Variants in RSPRY1 observed in about 807,000 individuals in gnomAD.
The protein encoded by RSPRY1 is RING finger and SPRY domain-containing protein 1.
RSPRY1 carries 23 observed loss-of-function variants against 73.1 expected under a neutral mutation model. The ratio of observed to expected loss-of-function variants is 0.31; its 90% CI spans 0.23 to 0.45. The LOEUF is 0.45. Ranked by LOEUF, RSPRY1 falls within the 20% of genes least tolerant of loss-of-function variation. The pLI is 1.00. For missense variants in RSPRY1, 448 were observed against 698.7 expected, an observed-to-expected ratio of 0.64 and a Z score of 4.05; for synonymous variants, 226 against 251.4, an observed-to-expected ratio of 0.90 and a Z score of 0.95.
chr16:57,208,302 C>CTTTT (rs34138044), intron 3 of RSPRY1, among the ~76,000 whole-genome samples, 192 bp downstream of exon 3: 10 of 79,178 alleles, frequency 1.3e-4, no homozygotes, highest in South Asian at 3.9e-4. Context: ...CATATTATAC[C>CTTTT]TTTTTTTTTT....
chr16:57,206,307 A>C (rs2074723980), intron 2 of RSPRY1, among the ~76,000 whole-genome samples: 1 of 152,134 alleles, frequency 6.6e-6, no homozygotes, highest in Non-Finnish European at 1.5e-5. Context: ...TCAGGATTCT[A>C]AGACCGGAGT....
Position 57,227,430 on chromosome 16 carries a change from A to G in RSPRY1, c.1250A>G (p.His417Arg), listed in dbSNP as rs1860191121. The change falls in exon 11 of 15, where the codon CAC (histidine) becomes CGC (arginine). Residue 417 changes from histidine (H) to arginine (R), a missense_variant. His to Arg is a conservative substitution (Grantham distance 29). Transcript: ENST00000394420. ...TGGTACAATGCCAGAAGTAAGCCTC[A>G]CATACACCCATGCTGGAAAGAAGGT... ...LIWYNARSKP[H>R]IHPCWKEGDT... 6 of 1,613,758 alleles carry G rather than the reference A, an allele frequency of 3.7e-6. No individual in the cohort carries two copies. The highest frequency in any genetic ancestry group is 1.3e-5 in the African/African-American group (1 of 75,046).
Position 57,212,957 on chromosome 16 carries a change from A to G in RSPRY1, c.517-15A>G. 6.2e-7 allele frequency: 1 copy of G among 1,612,808 alleles called. No homozygotes were observed. Among genetic ancestry groups the G allele is most frequent in the Non-Finnish European group, 8.5e-7 (1 of 1,179,302 alleles). On this transcript the variant is annotated splice_polypyrimidine_tract_variant and intron_variant, in intron 4 of 14. Transcript: ENST00000394420. ...TAGTATATGGGTCAAACCCACTTGT[A>G]CTTTTTTGTTTTAGGATGCACTCCA...
intron 1 of RSPRY1, among the ~76,000 whole-genome samples, chr16:57,201,692 T>A (rs1002704815): frequency 9.9e-5 from 15 of 152,208 alleles, no homozygotes; most frequent in African/African-American, 3.6e-4. Context: ...TGAACGCGAC[T>A]CCGTCTGCCA....
Position 57,216,888 on chromosome 16 carries a change from A to C in RSPRY1, c.770-16A>C. On this transcript the variant is annotated splice_polypyrimidine_tract_variant and intron_variant, in intron 7 of 14. Transcript: ENST00000394420. ...CCCTTTCATTGTTAATTCAAGGATTATGTCTTTCCAAACAGGTGAAAATAA... is the reference window on the plus strand; with the variant it reads ...CCCTTTCATTGTTAATTCAAGGATTCTGTCTTTCCAAACAGGTGAAAATAA... 1 of 1,610,336 alleles carries C rather than the reference A, an allele frequency of 6.2e-7. No homozygotes were observed. The highest frequency in any genetic ancestry group is 8.5e-7 in the Non-Finnish European group (1 of 1,176,884).
At chr16:57,188,432 C>T (rs1252783749) in intron 1 of RSPRY1, among the ~76,000 whole-genome samples, 2 of 152,094 alleles carry the variant, frequency 1.3e-5, no homozygotes, top group Non-Finnish European at 2.9e-5. Context: ...TTTGGTTCGT[C>T]GTACTTGTTA....
At chr16:57,211,956 G>T (rs147486977) in intron 4 of RSPRY1, among the ~76,000 whole-genome samples, 1 of 152,154 alleles carries the variant, frequency 6.6e-6, no homozygotes, top group East Asian at 1.9e-4. Flanking sequence ...AGTCTTTAGC[G>T]TAGTCACCAA....
chr16:57,238,606 C>T (rs1398896340), intron 14 of RSPRY1, among the ~76,000 whole-genome samples: 3 of 152,170 alleles, frequency 2.0e-5, no homozygotes, highest in African/African-American at 7.2e-5. Context: ...ATATCCCTAC[C>T]TATAAGTGCA....
At chr16:57,237,040 C>T (rs534188058) in intron 14 of RSPRY1, among the ~76,000 whole-genome samples, 4 of 152,034 alleles carry the variant, frequency 2.6e-5, no homozygotes, top group East Asian at 2.0e-4. Context: ...TGGTGGTGGG[C>T]GCCTGTAATC....
chr16:57,199,639 A>G (rs1371356805), intron 1 of RSPRY1, among the ~76,000 whole-genome samples: 3 of 152,342 alleles, frequency 2.0e-5, no homozygotes, highest in Admixed American at 1.3e-4. Context: ...CCTGTGCAGC[A>G]TTTAGGTTTT....
intron 11 of RSPRY1, 44 bp downstream of exon 11, chr16:57,227,497 A>G (rs1159515974): frequency 1.5e-6 from 2 of 1,370,790 alleles, no homozygotes; most frequent in Non-Finnish European, 2.1e-6. Context: ...GGGTTAAGAC[A>G]TCTGGTTATT....
rs533782221 is a variant in RSPRY1 at position 57,220,923 on chromosome 16, C to T, written c.1017+76C>T. 6.6e-5 allele frequency: 71 copies of T among 1,079,724 alleles called. No homozygotes were observed. In the East Asian group the frequency reaches 8.7e-4, roughly 13 times the overall value. The allele number at this position is 1,079,724 out of a possible 1,614,324, so 66.9% of individuals were successfully genotyped here. On this transcript the variant is annotated intron_variant, in intron 9 of 14. Coordinates refer to ENST00000394420, the MANE Select transcript of RSPRY1 (RefSeq NM_133368.3). Reference sequence around the variant, plus strand: ...TTTTAATCCTTGCATAGCCAGTTGTCTTAGGGCTGGTGCTTCCCACTCTCC... The same window carrying T: ...TTTTAATCCTTGCATAGCCAGTTGTTTTAGGGCTGGTGCTTCCCACTCTCC...
In RSPRY1 at chr16:57,220,676, T is replaced by G. The variant is rs1405805043; in HGVS notation, c.902-56T>G. ...CTGATTGCTGTAGCTGGCACTAGCT[T>G]CTTCTTTTCTCCACAGCAGCCTGCC... On this transcript the variant is annotated intron_variant, in intron 8 of 14. Coordinates refer to ENST00000394420, the MANE Select transcript of RSPRY1 (RefSeq NM_133368.3). The G allele has an allele frequency of 3.7e-5, 43 of 1,157,836 alleles. 2 individuals are homozygous for G. Among genetic ancestry groups the G allele is most frequent in the South Asian group, 1.5e-4 (12 of 80,030 alleles). The allele number at this position is 1,157,836 out of a possible 1,614,324, so 71.7% of individuals were successfully genotyped here.
intron 10 of RSPRY1, among the ~76,000 whole-genome samples, chr16:57,223,437 C>T (rs746884940): frequency 4.6e-5 from 7 of 152,146 alleles, no homozygotes; most frequent in Non-Finnish European, 1.0e-4. Flanking sequence ...TTTATGGAGG[C>T]TTAGGAGGAG....
rs1295803799 is a variant in RSPRY1, at chr16:57,205,138, ATT to A, written c.350+133_350+134del. 6 of 647,322 alleles carry A rather than the reference ATT, an allele frequency of 9.3e-6. No individual in the cohort carries two copies. The Admixed American group carries it at 1.2e-4, about 13-fold the overall frequency. 40.1% of individuals were successfully genotyped at this position (647,322 alleles called of 1,614,324 possible). On this transcript the variant is annotated intron_variant, in intron 2 of 14. Coordinates refer to ENST00000394420, the MANE Select transcript of RSPRY1 (RefSeq NM_133368.3). The stretch of plus-strand genomic sequence containing the variant: ...TTGTGCTCACAGGGCAAAGGAGAAT[ATT>A]TTAATGCTCCGCTGATGGCAGAGTA...
intron 13 of RSPRY1, among the ~76,000 whole-genome samples, chr16:57,232,185 CT>C (rs1414702263): frequency 6.6e-6 from 1 of 152,158 alleles, no homozygotes; most frequent in Non-Finnish European, 1.5e-5. Flanking sequence ...TGGTATGCCC[CT>C]GAAGATATCT....
At chr16:57,196,547 G>C (rs2074451204) in intron 1 of RSPRY1, among the ~76,000 whole-genome samples, 1 of 152,090 alleles carries the variant, frequency 6.6e-6, no homozygotes, top group African/African-American at 2.4e-5. Context: ...CTGGCTATTC[G>C]TAGTGGGACC....
chr16:57,230,947 CA>C (rs1407742624), intron 12 of RSPRY1, 134 bp downstream of exon 12: 2 of 703,010 alleles, frequency 2.8e-6, no homozygotes, highest in Non-Finnish European at 4.8e-6. Flanking sequence ...ATTGGGAACC[CA>C]TTTGATCAGA....
chr16:57,213,983 C>T (rs1317695922), intron 6 of RSPRY1, 37 bp downstream of exon 6: 7 of 1,402,348 alleles, frequency 5.0e-6, no homozygotes, highest in Non-Finnish European at 6.1e-6. Flanking sequence ...TCTTAGTCAT[C>T]TAGAAGTGGG....
Sources: gnomAD v4.1 joint callset for allele counts (sites outside exome capture counted in the v4.1 genomes callset) on GRCh38, gnomAD v4.1.1 for gene constraint, MANE v1.5 for transcripts, NCBI Gene and HGNC (gene_info 2026-07-23, HGNC 2026-07-21) for gene names.